The following SMAP1 variants were observed in gnomAD, a reference collection of about 807,000 sequenced individuals.
SMAP1 encodes the protein stromal membrane-associated protein 1.
A neutral mutation model predicts 58.5 loss-of-function variants in SMAP1; 24 were observed. The ratio of observed to expected loss-of-function variants is 0.41; its 90% CI spans 0.30 to 0.58. The LOEUF is 0.58. SMAP1 is among the 20% of genes least tolerant of loss of function. SMAP1 has a pLI of 0.29. For missense variants in SMAP1, 563 were observed against 566.3 expected, an observed-to-expected ratio of 0.99 and a Z score of 0.06; for synonymous variants, 216 against 196.6, an observed-to-expected ratio of 1.10 and a Z score of -0.82.
intron 1 of SMAP1, among the ~76,000 whole-genome samples, chr6:70,697,389 T>C (rs1343239249): frequency 6.6e-6 from 1 of 151,446 alleles, no homozygotes; most frequent in African/African-American, 2.4e-5. Context: ...CACTGCAACC[T>C]CCGCCTCCTA....
At chr6:70,790,467 G>C (rs565614670) in intron 4 of SMAP1, among the ~76,000 whole-genome samples, 1 of 152,200 alleles carries the variant, frequency 6.6e-6, no homozygotes, top group African/African-American at 2.4e-5. Context: ...ATATCCAATA[G>C]GACAAACCAG....
chr6:70,710,462 C>G (rs182435340), intron 1 of SMAP1, among the ~76,000 whole-genome samples: 1 of 146,880 alleles, frequency 6.8e-6, no homozygotes, highest in Non-Finnish European at 1.5e-5. Flanking sequence ...ACTGCACACT[C>G]CAGCCTGGTG....
At chr6:70,691,193 C>T (rs923249833) in intron 1 of SMAP1, among the ~76,000 whole-genome samples, 1 of 152,096 alleles carries the variant, frequency 6.6e-6, no homozygotes, top group South Asian at 2.1e-4. Context: ...TTCTCTCTTT[C>T]TTCATCAGCC....
At chr6:70,816,905 A>G (rs1165280690) in intron 6 of SMAP1, among the ~76,000 whole-genome samples, 1 of 152,148 alleles carries the variant, frequency 6.6e-6, no homozygotes, top group Non-Finnish European at 1.5e-5. Context: ...TTTTAATGAC[A>G]GCATTTATAA....
intron 3 of SMAP1, among the ~76,000 whole-genome samples, chr6:70,763,571 T>C (rs1018559727): frequency 6.6e-6 from 1 of 152,120 alleles, no homozygotes; most frequent in Admixed American, 6.6e-5. Context: ...ATAGAAAGGA[T>C]TAAGCTAGTG....
chr6:70,744,269 A>G (rs1346300981), intron 2 of SMAP1, among the ~76,000 whole-genome samples: 1 of 151,828 alleles, frequency 6.6e-6, no homozygotes, highest in Non-Finnish European at 1.5e-5. Flanking sequence ...GGTTTGCTGC[A>G]ACCCATCAAC....
chr6:70,805,179 C>T (rs1441777198), intron 6 of SMAP1, among the ~76,000 whole-genome samples: 1 of 152,122 alleles, frequency 6.6e-6, no homozygotes, highest in Non-Finnish European at 1.5e-5. Flanking sequence ...TTTCATATTT[C>T]TTGGAGTGTT....
chr6:70,728,373 C>T (rs1376984097), intron 1 of SMAP1, among the ~76,000 whole-genome samples: 1 of 152,112 alleles, frequency 6.6e-6, no homozygotes, highest in Non-Finnish European at 1.5e-5. Context: ...AATTCAGAAG[C>T]CTTTATTACT....
At chr6:70,674,891 C>G (rs533076607) in intron 1 of SMAP1, among the ~76,000 whole-genome samples, 99 of 152,292 alleles carry the variant, frequency 6.5e-4, no homozygotes, top group South Asian at 2.5e-3. Flanking sequence ...AGGAGAATTG[C>G]TTGAACCCTG....
chr6:70,827,290 C>T (rs543269301), intron 6 of SMAP1, among the ~76,000 whole-genome samples: 1 of 152,130 alleles, frequency 6.6e-6, no homozygotes, highest in Non-Finnish European at 1.5e-5. Context: ...GAATAAATCC[C>T]TCAGATAGTG....
chr6:70,802,888 T>G (rs1768927350), intron 6 of SMAP1, among the ~76,000 whole-genome samples: 1 of 151,068 alleles, frequency 6.6e-6, no homozygotes, highest in Non-Finnish European at 1.5e-5. Context: ...CTTTTCGATG[T>G]GCTGCTGGAT....
intron 1 of SMAP1, among the ~76,000 whole-genome samples, chr6:70,727,486 C>T (rs955167548): frequency 2.0e-5 from 3 of 152,184 alleles, no homozygotes; most frequent in Non-Finnish European, 4.4e-5. Context: ...ATTTTTACCT[C>T]TTCTATGTTC....
chr6:70,843,456 CATT>C (rs1770876745), intron 7 of SMAP1, among the ~76,000 whole-genome samples: 1 of 152,134 alleles, frequency 6.6e-6, no homozygotes, highest in African/African-American at 2.4e-5. Context: ...GGTGAACTAT[CATT>C]ATTTCGCTTT....
At chr6:70,713,878 T>C (rs1768158658) in intron 1 of SMAP1, among the ~76,000 whole-genome samples, 1 of 152,212 alleles carries the variant, frequency 6.6e-6, no homozygotes, top group South Asian at 2.1e-4. Context: ...ATCAGTTTCT[T>C]CTTTCAGTTC....
intron 6 of SMAP1, among the ~76,000 whole-genome samples, chr6:70,817,139 T>TATA (rs1491136899): frequency 7.1e-5 from 9 of 127,368 alleles, no homozygotes; most frequent in African/African-American, 1.9e-4. Context: ...TATATATATA[T>TATA]TTTTTTTTTG....
In SMAP1 at chr6:70,798,729, G is replaced by C. The variant is rs936190532; in HGVS notation, c.568G>C (p.Ala190Pro). Residue 190 changes from alanine (A) to proline (P), a missense_variant, in exon 6 of 11, where the codon GCT becomes CCT. Transcript: ENST00000370455. ...AGAAAAGCCGGCAAAACCACTTACA[G>C]CTGAAAAGGTAAAATTCTTTTTTTA... The part of the protein sequence containing the change: ...EPEKPAKPLT[A>P]EKLQKKDQQL... 8 of 1,553,818 alleles carry C rather than the reference G, an allele frequency of 5.1e-6. No homozygotes were observed. Among genetic ancestry groups the C allele is most frequent in the Non-Finnish European group, 6.9e-6 (8 of 1,151,744 alleles).
chr6:70,668,564 C>T (rs1766132624), intron 1 of SMAP1: 1 of 1,533,740 alleles, frequency 6.5e-7, no homozygotes, highest in Admixed American at 2.0e-5. Flanking sequence ...AGGTCTGGAT[C>T]CCCTCCTCTA....
intron 7 of SMAP1, chr6:70,837,842 C>G (rs1381617770): frequency 7.9e-7 from 1 of 1,270,944 alleles, no homozygotes; most frequent in East Asian, 6.0e-5. Context: ...AAGAGTTGAC[C>G]TTCATGTACT....
chr6:70,835,938 C>T (rs911687192), intron 6 of SMAP1, among the ~76,000 whole-genome samples: 3 of 152,086 alleles, frequency 2.0e-5, no homozygotes, highest in African/African-American at 4.8e-5. Flanking sequence ...ACTATGACTT[C>T]GGCTCCTGAG....
Sources: gnomAD v4.1 joint callset for allele counts (sites outside exome capture counted in the v4.1 genomes callset) on GRCh38, gnomAD v4.1.1 for gene constraint, MANE v1.5 for transcripts, NCBI Gene and HGNC (gene_info 2026-07-23, HGNC 2026-07-21) for gene names.